PDE1A: variants seen among roughly 807,000 people sequenced by gnomAD.
PDE1A encodes dual specificity calcium/calmodulin-dependent 3',5'-cyclic nucleotide phosphodiesterase 1A.
Under a neutral mutation model 61.7 loss-of-function variants are expected in PDE1A, and 35 were observed. That is an observed-to-expected ratio of 0.57 (90% CI 0.43 to 0.75). PDE1A has a LOEUF of 0.75. Ranked by LOEUF, PDE1A falls within the 30% of genes least tolerant of loss-of-function variation. PDE1A has a pLI of 0.00. For synonymous variants in PDE1A, 232 were observed against 213.2 expected (o/e 1.09, Z -0.77); for missense variants, 597 against 630.6 (o/e 0.95, Z 0.57).
At chr2:182,182,609 GT>G (rs1375231673) in intron 13 of PDE1A, among the ~76,000 whole-genome samples, 6 of 151,490 alleles carry the variant, frequency 4.0e-5, no homozygotes, top group African/African-American at 1.5e-4. Flanking sequence ...TCTACATTTG[GT>G]TTCCTGTCTT....
At chr2:182,470,055 T>C (rs865984802) in intron 2 of PDE1A, among the ~76,000 whole-genome samples, 7 of 151,874 alleles carry the variant, frequency 4.6e-5, no homozygotes, top group South Asian at 2.1e-4. Context: ...GTGCAAGAAT[T>C]ATCAGAATGT....
intron 1 of PDE1A, among the ~76,000 whole-genome samples, chr2:182,363,057 A>T (rs1198744748): frequency 6.6e-6 from 1 of 151,868 alleles, no homozygotes; most frequent in African/African-American, 2.4e-5. Context: ...ACTGGGGCCT[A>T]TTGGAGGATG....
intron 13 of PDE1A, among the ~76,000 whole-genome samples, chr2:182,153,892 A>G (rs1690927584): frequency 6.6e-6 from 1 of 152,174 alleles, no homozygotes; most frequent in Admixed American, 6.5e-5. Context: ...ATGAGAAATT[A>G]CTTAATGGGT....
the PDE1A span, among the ~76,000 whole-genome samples, chr2:182,652,616 C>A: frequency 6.6e-6 from 1 of 152,094 alleles, no homozygotes; most frequent in African/African-American, 2.4e-5. Context: ...TTGACGCAGT[C>A]CACCCCTGGT....
intron 2 of PDE1A, among the ~76,000 whole-genome samples, chr2:182,505,568 G>C (rs956696599): frequency 6.6e-6 from 1 of 152,118 alleles, no homozygotes; most frequent in Non-Finnish European, 1.5e-5. Context: ...TCACATGTCC[G>C]GTAGTTAACT....
At chr2:182,158,751 C>G (rs1177996031) in intron 13 of PDE1A, among the ~76,000 whole-genome samples, 1 of 152,182 alleles carries the variant, frequency 6.6e-6, no homozygotes, top group Non-Finnish European at 1.5e-5. Flanking sequence ...CTGTAATACA[C>G]TTTGAACATC....
At chr2:182,558,639 TAA>T in the PDE1A span, among the ~76,000 whole-genome samples, 2 of 152,182 alleles carry the variant, frequency 1.3e-5, no homozygotes, top group African/African-American at 4.8e-5. Flanking sequence ...ATGGAAACTG[TAA>T]AAGTGAAACA....
intron 1 of PDE1A, among the ~76,000 whole-genome samples, chr2:182,300,808 C>T (rs1371012180): frequency 6.6e-6 from 1 of 152,110 alleles, no homozygotes; most frequent in East Asian, 1.9e-4. Flanking sequence ...GGCTATTACA[C>T]TTGTTGTGTA....
intron 1 of PDE1A, among the ~76,000 whole-genome samples, chr2:182,326,010 G>A (rs975932638): frequency 2.0e-5 from 3 of 152,012 alleles, no homozygotes; most frequent in African/African-American, 7.2e-5. Context: ...CTATATAAAT[G>A]GCAAATGAAC....
chr2:182,565,683 GA>G, the PDE1A span, among the ~76,000 whole-genome samples: 23 of 150,494 alleles, frequency 1.5e-4, 2 homozygotes, highest in African/African-American at 5.6e-4. Context: ...TTTTTTGGAA[GA>G]AAAAAAAAGA....
At chr2:182,587,527 A>G in the PDE1A span, among the ~76,000 whole-genome samples, 1 of 152,242 alleles carries the variant, frequency 6.6e-6, no homozygotes, top group African/African-American at 2.4e-5. Context: ...CTAAATTCTG[A>G]AGTTATTCCA....
At chr2:182,503,374 C>A (rs763084647) in intron 2 of PDE1A, among the ~76,000 whole-genome samples, 3 of 152,120 alleles carry the variant, frequency 2.0e-5, no homozygotes, top group Non-Finnish European at 4.4e-5. Context: ...TGCCACCCAC[C>A]CTGATGCTCC....
At chr2:182,289,524 A>C (rs1366532728) in intron 1 of PDE1A, among the ~76,000 whole-genome samples, 1 of 152,100 alleles carries the variant, frequency 6.6e-6, no homozygotes, top group East Asian at 1.9e-4. Flanking sequence ...CCTGTGTTTT[A>C]ATATTGTATC....
chr2:182,145,570 TA>T (rs1690451679), downstream of PDE1A, among the ~76,000 whole-genome samples: 1 of 151,520 alleles, frequency 6.6e-6, no homozygotes, highest in South Asian at 2.1e-4. Flanking sequence ...TCTACTAAAA[TA>T]CAAAAAAATT....
At chr2:182,684,554 A>G in the PDE1A span, among the ~76,000 whole-genome samples, 3 of 152,064 alleles carry the variant, frequency 2.0e-5, no homozygotes, top group Admixed American at 6.6e-5. Flanking sequence ...TGCAAAACAT[A>G]TAATTTTTTT....
At chr2:182,314,298 ATTCCTGTAG>A (rs1559328247) in intron 1 of PDE1A, 1 of 152,190 alleles carries the variant, frequency 6.6e-6, no homozygotes, top group Non-Finnish European at 1.5e-5. Flanking sequence ...AGTAAAGTCA[ATTCCTGTAG>A]TCCCAGCTAC....
intron 1 of PDE1A, 64 bp downstream of exon 1, chr2:182,426,514 G>A (rs1703630325): frequency 2.6e-6 from 3 of 1,142,322 alleles, no homozygotes; most frequent in Admixed American, 1.7e-5. Flanking sequence ...CCCAAATTAA[G>A]GATGAAGGGA....
the PDE1A span, among the ~76,000 whole-genome samples, chr2:182,713,994 C>A: frequency 4.6e-5 from 7 of 152,230 alleles, no homozygotes; most frequent in Non-Finnish European, 5.9e-5. Context: ...ACCTAATTAA[C>A]AAGTTGCAGT....
the PDE1A span, among the ~76,000 whole-genome samples, chr2:182,605,144 G>C: frequency 2.6e-5 from 4 of 151,758 alleles, no homozygotes; most frequent in African/African-American, 9.7e-5. Context: ...TTTCAAGCCC[G>C]TCTCTGCCCT....
Sources: gnomAD v4.1 joint callset for allele counts (sites outside exome capture counted in the v4.1 genomes callset) on GRCh38, gnomAD v4.1.1 for gene constraint, MANE v1.5 for transcripts, NCBI Gene and HGNC (gene_info 2026-07-23, HGNC 2026-07-21) for gene names.